The following OSBPL2 variants were observed in gnomAD, a reference collection of about 807,000 sequenced individuals.
OSBPL2 encodes the protein oxysterol binding protein like 2.
A neutral mutation model predicts 58.4 loss-of-function variants in OSBPL2; 18 were observed. That is an observed-to-expected ratio of 0.31 (90% CI 0.21 to 0.46). The LOEUF is 0.46. Ranked by LOEUF, OSBPL2 falls within the 20% of genes least tolerant of loss-of-function variation. OSBPL2 has a pLI of 1.00. For missense variants in OSBPL2, 461 were observed against 616.5 expected (o/e 0.75, Z 2.67); for synonymous variants, 221 against 234.1 (o/e 0.94, Z 0.51).
chr20:62,251,894 T>C lies in OSBPL2; in HGVS notation c.-128-4163T>C, dbSNP rs1182732465. The stretch of plus-strand genomic sequence containing the variant: ...TTTTTTTTTTTTTTTTTTTTTTTTT[T>C]TTCTGGAGACAGGGTCTTGCTCTGT... On this transcript the variant is annotated intron_variant, in intron 1 of 13. Coordinates refer to ENST00000313733, the MANE Select transcript of OSBPL2 (RefSeq NM_144498.4). Among the ~76,000 whole-genome samples, 72 of 119,686 alleles carry C rather than the reference T, an allele frequency of 6.0e-4. 1 individual carries two copies. The highest frequency in any genetic ancestry group is 2.2e-3 in the African/African-American group (70 of 31,656). 78.5% of individuals were successfully genotyped at this position (119,686 alleles called of 152,430 possible).
chr20:62,289,373 G>A (rs372142488), intron 12 of OSBPL2, 43 bp downstream of exon 12: 12 of 1,598,518 alleles, frequency 7.5e-6, no homozygotes, highest in Middle Eastern at 1.8e-4. Context: ...GGCCAAGGAC[G>A]CCCTGGCTAG....
chr20:62,286,763 C>T, intron 11 of OSBPL2, 52 bp downstream of exon 11: 1 of 1,572,024 alleles, frequency 6.4e-7, no homozygotes. Context: ...TCACACCCAC[C>T]TCTGGGCCCA....
chr20:62,249,738 C>CTACAA (rs1250547291), intron 1 of OSBPL2, among the ~76,000 whole-genome samples: 3 of 152,160 alleles, frequency 2.0e-5, no homozygotes, highest in African/African-American at 7.2e-5. Flanking sequence ...CCACGCCTGG[C>CTACAA]TAATTTTGTA....
chr20:62,240,368 T>A (rs1979647176), intron 1 of OSBPL2, among the ~76,000 whole-genome samples: 1 of 152,236 alleles, frequency 6.6e-6, no homozygotes, highest in Non-Finnish European at 1.5e-5. Flanking sequence ...TGTGTCCATC[T>A]ATTAATGACA....
Position 62,293,926 on chromosome 20 carries a change from C to A in OSBPL2, c.*39C>A, listed in dbSNP as rs557223584. 49 of 1,602,472 alleles carry A rather than the reference C, an allele frequency of 3.1e-5. No homozygotes were observed. In the East Asian group the frequency reaches 1.0e-3, roughly 34 times the overall value. Reference sequence around the variant, plus strand: ...CCTGGGGCCCGGGACCGGAGGCTGACGAGGCTGGACTTCCTCGAGTGGCCA... The same window carrying A: ...CCTGGGGCCCGGGACCGGAGGCTGAAGAGGCTGGACTTCCTCGAGTGGCCA... On this transcript the variant is annotated 3_prime_UTR_variant, in exon 14 of 14. Transcript: ENST00000313733.
chr20:62,292,021 T>C (rs1256659052), intron 13 of OSBPL2, among the ~76,000 whole-genome samples: 1 of 152,140 alleles, frequency 6.6e-6, no homozygotes, highest in Non-Finnish European at 1.5e-5. Flanking sequence ...ACCCATGTGG[T>C]TCCCACTGCC....
chr20:62,249,223 C>G (rs950265247), intron 1 of OSBPL2, among the ~76,000 whole-genome samples: 52 of 151,836 alleles, frequency 3.4e-4, no homozygotes, highest in African/African-American at 1.1e-3. Context: ...CCCCAACCCC[C>G]CAAAAAAAAA....
At chr20:62,277,119 C>T (rs956911178) in intron 6 of OSBPL2, among the ~76,000 whole-genome samples, 2 of 152,012 alleles carry the variant, frequency 1.3e-5, no homozygotes, top group Admixed American at 6.6e-5. Flanking sequence ...GGCGTGGTGG[C>T]GGGTGCCTGT....
chr20:62,282,473 GA>G, intron 9 of OSBPL2, among the ~76,000 whole-genome samples: 1 of 152,236 alleles, frequency 6.6e-6, no homozygotes, highest in Middle Eastern at 3.4e-3. Flanking sequence ...TTGAGCCATA[GA>G]ATGTCATGAA....
intron 3 of OSBPL2, among the ~76,000 whole-genome samples, chr20:62,260,716 G>C (rs377214057): frequency 4.0e-5 from 6 of 151,892 alleles, no homozygotes; most frequent in African/African-American, 1.5e-4. Flanking sequence ...GGCTGGTCGC[G>C]GTGGCTCATG....
chr20:62,243,167 G>A (rs749919223), intron 1 of OSBPL2, among the ~76,000 whole-genome samples: 5 of 152,346 alleles, frequency 3.3e-5, no homozygotes, highest in Non-Finnish European at 7.3e-5. Context: ...CGCACAGGGC[G>A]TGGGGCTACC....
intron 4 of OSBPL2, among the ~76,000 whole-genome samples, chr20:62,266,109 G>A (rs1981640792): frequency 6.6e-6 from 1 of 152,118 alleles, no homozygotes; most frequent in Non-Finnish European, 1.5e-5. Context: ...ATGACAGAGG[G>A]AAACCTTGTC....
chr20:62,284,197 G>A (rs1180631027), intron 10 of OSBPL2, 28 bp downstream of exon 10: 1 of 1,613,882 alleles, frequency 6.2e-7, no homozygotes, highest in Non-Finnish European at 8.5e-7. Flanking sequence ...CCCGGGCAGA[G>A]CTGAGCCCTG....
chr20:62,291,836 C>CCCCACACACACCTGGGGACGGCGGGGAGG, intron 13 of OSBPL2, 43 bp downstream of exon 13: 1 of 1,558,004 alleles, frequency 6.4e-7, no homozygotes, highest in Non-Finnish European at 8.8e-7. Context: ...AGCGGGGAGG[C>CCCCACACACACCTGGGGACGGCGGGGAGG]CCCACACACA....
Position 62,269,964 on chromosome 20 carries a change from A to G in OSBPL2, c.259-2161A>G, listed in dbSNP as rs1297749770. Among the ~76,000 whole-genome samples the G allele has an allele frequency of 2.0e-5, 3 of 152,194 alleles. No homozygotes were observed. Among genetic ancestry groups the G allele is most frequent in the Admixed American group, 2.0e-4 (3 of 15,286 alleles). Reference sequence around the variant, plus strand: ...TCGCCCCTGCAGCAGCCTGAGCCGCAGGCTCTGTGCGTCTGCCCTGTGCTC... The same window carrying G: ...TCGCCCCTGCAGCAGCCTGAGCCGCGGGCTCTGTGCGTCTGCCCTGTGCTC... On this transcript the variant is annotated intron_variant, in intron 4 of 13. Coordinates refer to ENST00000313733, the MANE Select transcript of OSBPL2 (RefSeq NM_144498.4). The surrounding 1 kb of genome is among the most constrained non-coding windows in gnomAD (Gnocchi z 4.2).
intron 1 of OSBPL2, among the ~76,000 whole-genome samples, chr20:62,245,971 A>G (rs1195919595): frequency 6.6e-6 from 1 of 152,236 alleles, no homozygotes; most frequent in African/African-American, 2.4e-5. Context: ...GAGGTCTGGG[A>G]AGGAGGAATG....
At chr20:62,262,774 G>C (rs1981403321) in intron 3 of OSBPL2, among the ~76,000 whole-genome samples, 1 of 152,152 alleles carries the variant, frequency 6.6e-6, no homozygotes, top group African/African-American at 2.4e-5. Context: ...AGGTTCTGCT[G>C]GGTGTGAGGC....
At chr20:62,287,073 T>G (rs1478052164) in intron 11 of OSBPL2, among the ~76,000 whole-genome samples, 1 of 152,246 alleles carries the variant, frequency 6.6e-6, no homozygotes, top group Non-Finnish European at 1.5e-5. Context: ...GCCGGCCAAG[T>G]GCGTCTTATC....
chr20:62,239,827 C>G (rs139174039), intron 1 of OSBPL2, among the ~76,000 whole-genome samples: 73 of 152,280 alleles, frequency 4.8e-4, no homozygotes, highest in African/African-American at 1.6e-3. Context: ...TAGCACTTTG[C>G]TGATAAGAGA....
Sources: gnomAD v4.1 joint callset for allele counts (sites outside exome capture counted in the v4.1 genomes callset) on GRCh38, gnomAD v4.1.1 for gene constraint, Gnocchi (gnomAD v3.1) non-coding constraint, MANE v1.5 for transcripts, NCBI Gene and HGNC (gene_info 2026-07-23, HGNC 2026-07-21) for gene names.